SACS: variants seen among roughly 807,000 people sequenced by gnomAD.
SACS encodes the protein sacsin molecular chaperone.
SACS carries 197 observed loss-of-function variants against 348.0 expected under a neutral mutation model. The ratio of observed to expected loss-of-function variants is 0.57; its 90% CI spans 0.50 to 0.64. The LOEUF (loss-of-function observed/expected upper bound fraction) is 0.64. Ranked by LOEUF, SACS falls within the 30% of genes least tolerant of loss-of-function variation. The pLI, the probability that SACS is intolerant of heterozygous loss-of-function variation, is 0.00. For missense variants in SACS, 4,999 were observed against 5,360.8 expected, an observed-to-expected ratio of 0.93 and a Z score of 2.11; for synonymous variants, 1,985 against 1,910.6, an observed-to-expected ratio of 1.04 and a Z score of -1.02.
intron 9 of SACS, among the ~76,000 whole-genome samples, chr13:23,352,642 T>TA (rs563045708): frequency 1.0e-4 from 15 of 150,674 alleles, no homozygotes; most frequent in Admixed American, 4.6e-4. Context: ...AATACAACAT[T>TA]AAAAAAAAAG....
chr13:23,409,189 T>C (rs924461110), intron 2 of SACS, among the ~76,000 whole-genome samples: 4 of 147,902 alleles, frequency 2.7e-5, no homozygotes, highest in African/African-American at 7.5e-5. Context: ...CCCTAGTAGC[T>C]GGGACTACAG....
intron 4 of SACS, 97 bp from the exon 5 acceptor site, chr13:23,368,584 A>G (rs535870239): frequency 1.2e-6 from 1 of 858,040 alleles, no homozygotes; most frequent in African/African-American, 1.7e-5. Flanking sequence ...TAACTATACA[A>G]GTTATGGTTG....
chr13:23,413,132 C>T (rs1873560600), intron 1 of SACS, among the ~76,000 whole-genome samples: 1 of 152,196 alleles, frequency 6.6e-6, no homozygotes. Flanking sequence ...CAAGCACCAC[C>T]ACGCCCAGCT....
At chr13:23,410,501 A>G (rs567544741) in intron 2 of SACS, among the ~76,000 whole-genome samples, 2 of 152,312 alleles carry the variant, frequency 1.3e-5, no homozygotes, top group East Asian at 3.9e-4. Flanking sequence ...AAGACGTTTT[A>G]TTTGTTGATA....
chr13:23,378,876 C>T (rs1357081918), intron 2 of SACS, among the ~76,000 whole-genome samples: 4 of 152,062 alleles, frequency 2.6e-5, no homozygotes, highest in Non-Finnish European at 5.9e-5. Context: ...GGAAACTTAT[C>T]ATATAAACTT....
intron 5 of SACS, among the ~76,000 whole-genome samples, chr13:23,366,833 G>A (rs899646607): frequency 2.0e-5 from 3 of 152,198 alleles, no homozygotes; most frequent in African/African-American, 7.2e-5. Context: ...TCTTGGGCAA[G>A]CCACTAAGAT....
At chr13:23,432,634 CAT>C (rs1874479269) in intron 1 of SACS, among the ~76,000 whole-genome samples, 1 of 152,148 alleles carries the variant, frequency 6.6e-6, no homozygotes, top group African/African-American at 2.4e-5. Flanking sequence ...ATCTACTTGT[CAT>C]GTGACAAATA....
At chr13:23,346,139 G>GTTTGTT (rs1869585878) in intron 9 of SACS, among the ~76,000 whole-genome samples, 1 of 152,008 alleles carries the variant, frequency 6.6e-6, no homozygotes, top group African/African-American at 2.4e-5. Context: ...TGTTCTTTTT[G>GTTTGTT]TTTGTTTTTG....
At position 23,367,325 on chromosome 13, in the gene SACS, G is replaced by A. The variant is rs552989443; in HGVS notation, c.345+1077C>T. Among the ~76,000 whole-genome samples the A allele has an allele frequency of 3.1e-3, 478 of 152,294 alleles. 4 individuals carry two copies. Among genetic ancestry groups the A allele is most frequent in the Non-Finnish European group, 4.6e-3 (313 of 68,026 alleles). The stretch of plus-strand genomic sequence containing the variant: ...ATCACTAAAGACACAACAGTCCTCA[G>A]TGAGTGCCTACCTGAGCATGACTCT... On this transcript the variant is annotated intron_variant, in intron 5 of 9. Transcript: ENST00000382292.
intron 9 of SACS, among the ~76,000 whole-genome samples, chr13:23,349,014 C>T (rs951343131): frequency 6.6e-6 from 1 of 152,214 alleles, no homozygotes; most frequent in African/African-American, 2.4e-5. Flanking sequence ...TGAGACAGCA[C>T]TCCAAAATCA....
chr13:23,426,546 G>A (rs530358829), intron 1 of SACS, among the ~76,000 whole-genome samples: 92 of 151,722 alleles, frequency 6.1e-4, no homozygotes, highest in African/African-American at 2.1e-3. Context: ...AGGCTGAGAT[G>A]GAAGAATTGC....
At chr13:23,405,578 T>C (rs1873169289) in intron 2 of SACS, among the ~76,000 whole-genome samples, 1 of 151,938 alleles carries the variant, frequency 6.6e-6, no homozygotes, top group Non-Finnish European at 1.5e-5. Context: ...CTAAAGAACT[T>C]CTGCACAGCA....
In SACS at chr13:23,334,085, G is replaced by T. The variant is rs758563983; in HGVS notation, c.9791C>A (p.Thr3264Lys). The T allele has an allele frequency of 1.9e-6, 3 of 1,613,702 alleles. No homozygotes were observed. In the South Asian group the frequency reaches 3.3e-5, roughly 18 times the overall value. ...AACAACAATGTCAAATGTTGGTTTT[G>T]TTTCTTCCTGATCTTCTTTCACACT... ...SVSVKEDQEE[T>K]KPTFDIVVDT... Residue 3264 changes from threonine to lysine, a missense_variant, in exon 10 of 10, where the codon ACA becomes AAA. Around this residue, in one of 6 missense-constraint regions of SACS, gnomAD observed 734 missense variants for 694.0 expected, o/e 1.06. Transcript: ENST00000382292.
chr13:23,356,754 T>C (rs556761561), intron 7 of SACS, among the ~76,000 whole-genome samples: 6 of 152,042 alleles, frequency 3.9e-5, no homozygotes, highest in African/African-American at 1.4e-4. Context: ...GGTGATGTGA[T>C]GTATGCTTGC....
intron 2 of SACS, among the ~76,000 whole-genome samples, chr13:23,387,560 C>G (rs1175478323): frequency 1.3e-5 from 2 of 152,024 alleles, no homozygotes; most frequent in African/African-American, 4.8e-5. Context: ...GCTGGAAGAC[C>G]CTGTAGAGAT....
chr13:23,329,914 A>G lies in SACS; in HGVS notation c.*222T>C, dbSNP rs577703833. On this transcript the variant is annotated 3_prime_UTR_variant, in exon 10 of 10. Coordinates refer to ENST00000382292, the MANE Select transcript of SACS (RefSeq NM_014363.6). ...TCATCCCAATCATTCAAATCCATCCAGCTATTTTGCAGCTCACCACCATCT... is the reference window on the plus strand; with the variant it reads ...TCATCCCAATCATTCAAATCCATCCGGCTATTTTGCAGCTCACCACCATCT... 192 of 570,272 alleles carry G rather than the reference A, an allele frequency of 3.4e-4. No individual in the cohort carries two copies. Among genetic ancestry groups the G allele is most frequent in the Middle Eastern group, 3.3e-3 (7 of 2,096 alleles). 35.3% of individuals were successfully genotyped at this position (570,272 alleles called of 1,614,324 possible).
chr13:23,405,264 A>G (rs1012320325), intron 2 of SACS, among the ~76,000 whole-genome samples: 5 of 152,202 alleles, frequency 3.3e-5, no homozygotes, highest in Non-Finnish European at 7.3e-5. Flanking sequence ...CCACACATCT[A>G]CAACCATCTG....
chr13:23,345,386 A>T (rs1255090372), intron 9 of SACS, among the ~76,000 whole-genome samples: 2 of 152,250 alleles, frequency 1.3e-5, no homozygotes, highest in African/African-American at 4.8e-5. Flanking sequence ...CCTCCAGCCT[A>T]GCAGTGGCAC....
chr13:23,330,498 C>A lies in SACS; in HGVS notation c.13378G>T (p.Ala4460Ser), dbSNP rs1029427821. 1 of 1,614,196 alleles carries A rather than the reference C, an allele frequency of 6.2e-7. No homozygotes were observed. Among genetic ancestry groups the A allele is most frequent in the Non-Finnish European group, 8.5e-7 (1 of 1,180,028 alleles). Residue 4460 changes from alanine to serine, a missense_variant, in exon 10 of 10, where the codon GCT becomes TCT. By Grantham distance (99) the Ala-to-Ser change is moderately conservative (BLOSUM62 1). Around this residue, in one of 6 missense-constraint regions of SACS, gnomAD observed 254 missense variants for 275.1 expected, o/e 0.92. Coordinates refer to ENST00000382292, the MANE Select transcript of SACS (RefSeq NM_014363.6). Reference protein sequence around the residue: ...WLRQARANFSAARNDLHKNAN... With the variant: ...WLRQARANFSSARNDLHKNAN... ...TTTTTATGAAGGTCATTCCTGGCAG[C>A]TGAGAAGTTTGCTCTGGCTTGTCTT...
Sources: allele counts gnomAD v4.1 joint callset (sites outside exome capture counted in the v4.1 genomes callset), GRCh38; gene constraint gnomAD v4.1.1; regional missense constraint gnomAD v4.1.1; transcripts MANE v1.5; gene names NCBI Gene and HGNC (gene_info 2026-07-23, HGNC 2026-07-21).